INTS10: variants seen among roughly 807,000 people sequenced by gnomAD.
INTS10 encodes chromosome 8 open reading frame 35.
A neutral mutation model predicts 94.4 loss-of-function variants in INTS10; 44 were observed. The observed-to-expected ratio is 0.47, with a 90% confidence interval of 0.37 to 0.60. INTS10 has a LOEUF of 0.60. Among genes scored for constraint, INTS10 ranks in the 20% least tolerant of loss-of-function variants. The probability of loss-of-function intolerance (pLI) is 0.00; values close to 1 mark genes in which losing one functional copy is unlikely to be tolerated. For synonymous variants in INTS10, 341 were observed against 320.7 expected (o/e 1.06, Z -0.68); for missense variants, 797 against 868.7 (o/e 0.92, Z 1.04).
intron 13 of INTS10, among the ~76,000 whole-genome samples, chr8:19,841,432 C>CTA (rs530334085): frequency 1.4e-3 from 219 of 152,232 alleles, no homozygotes; most frequent in African/African-American, 5.1e-3. Context: ...AACTTAGTAT[C>CTA]TAGAGTTTTG....
rs760237636 is a variant in INTS10 at position 19,837,505 on chromosome 8, C to T, written c.1639+345C>T. On this transcript the variant is annotated intron_variant, in intron 13 of 16. Transcript: ENST00000397977. ...AGCTGTAAATGTCTTTCTTCCAAAG[C>T]TCTCTTCACTTCCTGAGTGTGTTAT... 126 of 187,852 alleles carry T rather than the reference C, an allele frequency of 6.7e-4. 1 individual carries two copies. The highest frequency in any genetic ancestry group is 1.2e-3 in the Non-Finnish European group (106 of 90,042). The allele number at this position is 187,852 out of a possible 1,614,324, so 11.6% of individuals were successfully genotyped here.
chr8:19,847,915 C>G (rs951505581), intron 16 of INTS10, among the ~76,000 whole-genome samples: 1 of 152,100 alleles, frequency 6.6e-6, no homozygotes, highest in East Asian at 1.9e-4. Flanking sequence ...TCAATACAAC[C>G]CTTAATTTCT....
rs76828232 is a variant in INTS10 at position 19,822,946 on chromosome 8, C to G, written c.524-355C>G. Among the ~76,000 whole-genome samples, 1,112 of 134,392 alleles carry G rather than the reference C, an allele frequency of 8.3e-3. 13 individuals are homozygous for G. The highest frequency in any genetic ancestry group is 0.028 in the African/African-American group (1,036 of 37,522). The allele number at this position is 134,392 out of a possible 152,430, so 88.2% of individuals were successfully genotyped here. A position where few individuals can be genotyped will look rare whatever the true frequency, so the allele number is the denominator to read the frequency against. ...ACCTGGTGACTGAGTGAGACTCTGT[C>G]TCAAAAAAAAAAAAAGCATTTTAAA... On this transcript the variant is annotated intron_variant, in intron 5 of 16. Coordinates refer to ENST00000397977, the MANE Select transcript of INTS10 (RefSeq NM_018142.4).
Position 19,822,457 on chromosome 8 carries a change from C to CTAT in INTS10, c.463_465dup (p.Leu155dup). 6.2e-7 allele frequency: 1 copy of CTAT among 1,610,570 alleles called. No individual in the cohort carries two copies. ...GAAATAGGTTGGCCTTGGGGAGGCACTATTAGAGGCTGAAACTATTGAAGA... is the reference window on the plus strand; with the variant it reads ...GAAATAGGTTGGCCTTGGGGAGGCACTATTATTAGAGGCTGAAACTATTGAAGA... On this transcript the variant is annotated inframe_insertion, in exon 5 of 17. Transcript: ENST00000397977.
chr8:19,823,207 A>T, intron 5 of INTS10, 94 bp from the exon 6 acceptor site: 1 of 915,786 alleles, frequency 1.1e-6, no homozygotes, highest in Non-Finnish European at 1.7e-6. Flanking sequence ...TATTTTAGAT[A>T]CTACATCAAA....
chr8:19,817,931 T>A (rs1441129610), intron 1 of INTS10, among the ~76,000 whole-genome samples: 3 of 152,128 alleles, frequency 2.0e-5, no homozygotes, highest in African/African-American at 7.2e-5. Flanking sequence ...CGGGTGTGCT[T>A]AGGTCCCTGG....
At chr8:19,826,927 T>C (rs573875923) in intron 9 of INTS10, among the ~76,000 whole-genome samples, 3 of 152,206 alleles carry the variant, frequency 2.0e-5, no homozygotes, top group Non-Finnish European at 4.4e-5. Context: ...AAAAGCAAAA[T>C]GGCATTGGAC....
At chr8:19,820,807 G>A (rs1424797683) in intron 4 of INTS10, 2 of 253,560 alleles carry the variant, frequency 7.9e-6, no homozygotes, top group African/African-American at 4.4e-5. Flanking sequence ...TCTACAATGT[G>A]CTTTTGAATT....
chr8:19,818,209 A>T (rs750076789), intron 1 of INTS10, 66 bp from the exon 2 acceptor site: 1 of 1,512,788 alleles, frequency 6.6e-7, no homozygotes, highest in African/African-American at 1.4e-5. Context: ...CCAACGAGCG[A>T]TGCTGGATGA....
chr8:19,817,775 C>G (rs1254742457), intron 1 of INTS10, 109 bp downstream of exon 1: 1 of 1,400,502 alleles, frequency 7.1e-7, no homozygotes, highest in African/African-American at 1.4e-5. Context: ...CGCCTCCTGC[C>G]CGGCCCCCTG....
At chr8:19,839,117 A>G (rs999439642) in intron 13 of INTS10, among the ~76,000 whole-genome samples, 7 of 152,144 alleles carry the variant, frequency 4.6e-5, no homozygotes, top group African/African-American at 7.2e-5. Flanking sequence ...TCACTCCATT[A>G]GCAGACAGAA....
At chr8:19,824,144 T>G in intron 7 of INTS10, 100 bp downstream of exon 7, 1 of 1,013,080 alleles carries the variant, frequency 9.9e-7, no homozygotes, top group Non-Finnish European at 1.4e-6. Flanking sequence ...TAGGTATAGT[T>G]TTTGGGCAAA....
chr8:19,818,188 C>G (rs749667999), intron 1 of INTS10, 87 bp from the exon 2 acceptor site: 1 of 1,294,072 alleles, frequency 7.7e-7, no homozygotes, highest in African/African-American at 1.5e-5. Context: ...CCCTCCCTTC[C>G]TGCAGGAGGG....
rs1437731197 is a variant in INTS10, at chr8:19,820,428, G to A, written c.351G>A (p.Lys117=). The A allele has an allele frequency of 3.1e-6, 5 of 1,613,542 alleles. No homozygotes were observed. Among genetic ancestry groups the A allele is most frequent in the South Asian group, 1.1e-5 (1 of 91,042 alleles). The part of the protein sequence containing the change: ...PGRVQCEMLL[K]VTEQCFNTLE... The stretch of plus-strand genomic sequence containing the variant: ...GGGTCCAGTGTGAAATGTTACTAAA[G>A]GTCACGGAACAATGCTTCAACACGT... Residue 117 remains lysine, a synonymous_variant, in exon 4 of 17, where the codon AAG becomes AAA. Coordinates refer to ENST00000397977, the MANE Select transcript of INTS10 (RefSeq NM_018142.4).
intron 9 of INTS10, among the ~76,000 whole-genome samples, chr8:19,827,640 G>C (rs1008862018): frequency 2.0e-5 from 3 of 152,146 alleles, no homozygotes; most frequent in African/African-American, 7.2e-5. Flanking sequence ...TGGGATGGCT[G>C]TTTAAACCTG....
At position 19,845,720 on chromosome 8, in the gene INTS10, G is replaced by A; in HGVS notation, c.1899G>A (p.Glu633=). The A allele has an allele frequency of 6.2e-7, 1 of 1,613,328 alleles. No homozygotes were observed. Among genetic ancestry groups the A allele is most frequent in the Non-Finnish European group, 8.5e-7 (1 of 1,179,284 alleles). The change falls in exon 16 of 17, where the codon GAG becomes GAA. Residue 633 remains glutamate (E), a synonymous_variant. Coordinates refer to ENST00000397977, the MANE Select transcript of INTS10 (RefSeq NM_018142.4). The part of the protein sequence containing the change: ...FNYVTNIDML[E]EFAYLRTQEG... ...GGCCTGCAGATATTGATATGCTGGA[G>A]GAATTTGCCTACTTGAGAACTCAGG...
intron 13 of INTS10, among the ~76,000 whole-genome samples, chr8:19,841,645 G>T (rs556939130): frequency 6.6e-6 from 1 of 152,178 alleles, no homozygotes; most frequent in Non-Finnish European, 1.5e-5. Flanking sequence ...AAAAATTGAA[G>T]AGGATGTGAA....
chr8:19,827,516 C>A (rs896329814), intron 9 of INTS10, among the ~76,000 whole-genome samples: 1 of 152,192 alleles, frequency 6.6e-6, no homozygotes, highest in Non-Finnish European at 1.5e-5. Context: ...TCTGCCTCGT[C>A]CTCTACCATA....
rs1590053131 is a variant in INTS10, at chr8:19,843,914, G to A, written c.1720-162G>A. Among the ~76,000 whole-genome samples, 1 of 152,222 alleles carries A rather than the reference G, an allele frequency of 6.6e-6. No individual in the cohort carries two copies. Among genetic ancestry groups the A allele is most frequent in the Non-Finnish European group, 1.5e-5 (1 of 68,032 alleles). ...ACCCTCCTTAGAAGGCAGCTGTGATGTTTACCAGCCATTTCGTTGTGCCTT... is the reference window on the plus strand; with the variant it reads ...ACCCTCCTTAGAAGGCAGCTGTGATATTTACCAGCCATTTCGTTGTGCCTT... On this transcript the variant is annotated intron_variant, in intron 14 of 16. Coordinates refer to ENST00000397977, the MANE Select transcript of INTS10 (RefSeq NM_018142.4). The surrounding 1 kb of genome is among the most constrained non-coding windows in gnomAD (Gnocchi z 4.7).
Sources: allele counts gnomAD v4.1 joint callset (sites outside exome capture counted in the v4.1 genomes callset), GRCh38; gene constraint gnomAD v4.1.1; non-coding constraint Gnocchi (gnomAD v3.1); transcripts MANE v1.5; gene names NCBI Gene and HGNC (gene_info 2026-07-23, HGNC 2026-07-21).